Variants in DEPTOR observed in about 807,000 individuals in gnomAD.
DEPTOR encodes the protein DEP domain-containing mTOR-interacting protein.
In DEPTOR, 41 loss-of-function variants were observed where a neutral mutation model predicts 41.6. The ratio of observed to expected loss-of-function variants is 0.98; its 90% CI spans 0.77 to 1.28. The LOEUF is 1.28. Among genes scored for constraint, DEPTOR ranks in the 50% most tolerant of loss-of-function variants. The pLI is 0.00. For missense variants in DEPTOR, 514 were observed against 527.9 expected (o/e 0.97, Z 0.26); for synonymous variants, 195 against 192.3 (o/e 1.01, Z -0.12).
At chr8:119,878,478 C>G (rs947775752) in intron 1 of DEPTOR, among the ~76,000 whole-genome samples, 1 of 151,828 alleles carries the variant, frequency 6.6e-6, no homozygotes, top group Non-Finnish European at 1.5e-5. Flanking sequence ...TGCCACCACA[C>G]CCAGTTAATT....
chr8:119,967,094 T>G (rs924377749), intron 4 of DEPTOR, among the ~76,000 whole-genome samples: 6 of 151,874 alleles, frequency 4.0e-5, no homozygotes, highest in African/African-American at 7.3e-5. Flanking sequence ...GTTTTGTTTT[T>G]TTGAGATTGA....
At chr8:119,933,428 G>A (rs1828070616) in intron 3 of DEPTOR, among the ~76,000 whole-genome samples, 1 of 145,102 alleles carries the variant, frequency 6.9e-6, no homozygotes, top group African/African-American at 2.6e-5. Context: ...GGAAGTTCAA[G>A]CCCCCTTTCT....
At chr8:120,040,630 G>A (rs1179676941) in intron 8 of DEPTOR, among the ~76,000 whole-genome samples, 8 of 150,072 alleles carry the variant, frequency 5.3e-5, no homozygotes, top group Non-Finnish European at 1.2e-4. Flanking sequence ...TTTCACTTGA[G>A]CAATTGCGCA....
intron 1 of DEPTOR, among the ~76,000 whole-genome samples, chr8:119,880,141 C>CAAAAT (rs534342442): frequency 0.15 from 21,451 of 139,016 alleles, 2,001 homozygotes; most frequent in African/African-American, 0.21. Flanking sequence ...GACTCCGTCT[C>CAAAAT]AAAATAAAAT....
intron 3 of DEPTOR, among the ~76,000 whole-genome samples, chr8:119,960,998 GAAAGA>G (rs1425934698): frequency 3.3e-5 from 5 of 151,762 alleles, no homozygotes; most frequent in Non-Finnish European, 7.4e-5. Context: ...AAGAAAGAAA[GAAAGA>G]AAAGTGGCTT....
At chr8:119,950,091 T>C (rs1281675344) in intron 3 of DEPTOR, among the ~76,000 whole-genome samples, 1 of 152,234 alleles carries the variant, frequency 6.6e-6, no homozygotes, top group Non-Finnish European at 1.5e-5. Flanking sequence ...GTATTTTGCA[T>C]GTGACTATCT....
At chr8:119,972,068 GGCT>G (rs1349040337) in intron 4 of DEPTOR, among the ~76,000 whole-genome samples, 2 of 152,160 alleles carry the variant, frequency 1.3e-5, no homozygotes, top group Non-Finnish European at 2.9e-5. Flanking sequence ...TCCGTATTGG[GGCT>G]GCTATGGTAA....
intron 3 of DEPTOR, among the ~76,000 whole-genome samples, chr8:119,962,213 C>T (rs533678541): frequency 6.6e-6 from 1 of 151,836 alleles, no homozygotes; most frequent in Non-Finnish European, 1.5e-5. Context: ...GCTGAGATTG[C>T]ACCACTGCAC....
At chr8:119,917,403 G>A (rs1487296440) in intron 1 of DEPTOR, among the ~76,000 whole-genome samples, 1 of 152,176 alleles carries the variant, frequency 6.6e-6, no homozygotes, top group African/African-American at 2.4e-5. Flanking sequence ...ACTCCATTTT[G>A]TTCTGTAATC....
intron 3 of DEPTOR, among the ~76,000 whole-genome samples, chr8:119,960,965 G>A (rs1185364444): frequency 6.6e-6 from 1 of 151,860 alleles, no homozygotes; most frequent in Non-Finnish European, 1.5e-5. Flanking sequence ...GGTGACAAGA[G>A]TGAAACTCCA....
chr8:120,002,434 G>A (rs1421726767), intron 5 of DEPTOR, among the ~76,000 whole-genome samples: 5 of 151,974 alleles, frequency 3.3e-5, no homozygotes, highest in Admixed American at 2.6e-4. Context: ...CACTGCGCCC[G>A]GCCTTACAAG....
At chr8:119,978,270 G>A (rs536904121) in intron 4 of DEPTOR, among the ~76,000 whole-genome samples, 1 of 152,238 alleles carries the variant, frequency 6.6e-6, no homozygotes, top group African/African-American at 2.4e-5. Context: ...TGCTCAGCTT[G>A]GCCTTATCTG....
At chr8:119,892,275 AGGCATGAGCTACTATACCT>A (rs1486650890) in intron 1 of DEPTOR, among the ~76,000 whole-genome samples, 1 of 152,210 alleles carries the variant, frequency 6.6e-6, no homozygotes, top group Admixed American at 6.5e-5. Context: ...CTGGGATTAC[AGGCATGAGCTACTATACCT>A]GGCCTGGAGC....
chr8:120,034,443 CTTTTTTTTTTTTT>C (rs148465030), intron 8 of DEPTOR, among the ~76,000 whole-genome samples: 2 of 91,564 alleles, frequency 2.2e-5, no homozygotes, highest in Admixed American at 1.6e-4. Context: ...TTTCCTTTTT[CTTTTTTTTTTTTT>C]TTTTTTTTTG....
intron 1 of DEPTOR, among the ~76,000 whole-genome samples, chr8:119,889,632 AAGGGG>A (rs1481904872): frequency 2.7e-5 from 1 of 36,622 alleles, no homozygotes; most frequent in Non-Finnish European, 5.2e-5. Context: ...GAGGGAAGGG[AAGGGG>A]AGGGGAGGGG....
chr8:119,885,692 CCT>C (rs1157770230), intron 1 of DEPTOR, among the ~76,000 whole-genome samples: 2 of 152,244 alleles, frequency 1.3e-5, no homozygotes, highest in African/African-American at 4.8e-5. Flanking sequence ...AGAGCTTTTT[CCT>C]CTAACATTGT....
chr8:119,883,865 C>G (rs1827330651), intron 1 of DEPTOR, among the ~76,000 whole-genome samples: 1 of 152,118 alleles, frequency 6.6e-6, no homozygotes, highest in Non-Finnish European at 1.5e-5. Flanking sequence ...ATGAGGCACT[C>G]CTTTGAGTGA....
chr8:120,027,939 TCAG>T (rs1056097317), intron 8 of DEPTOR, among the ~76,000 whole-genome samples: 7 of 152,120 alleles, frequency 4.6e-5, no homozygotes, highest in African/African-American at 1.4e-4. Flanking sequence ...GGCTCAGACA[TCAG>T]CACGGTTTGG....
rs886573598 is a variant in DEPTOR at position 120,049,966 on chromosome 8, G to A, written c.*262G>A. On this transcript the variant is annotated 3_prime_UTR_variant, in exon 9 of 9. Coordinates refer to ENST00000286234, the MANE Select transcript of DEPTOR (RefSeq NM_022783.4). ...GAACTGCCTTACTAGATTTCTATTT[G>A]TAGCTCTCATTCATTGTTTTTTATC... is the stretch of plus-strand genomic sequence containing the variant. 3.6e-6 allele frequency: 1 copy of A among 280,086 alleles called. No individual in the cohort carries two copies. The highest frequency in any genetic ancestry group is 6.6e-6 in the Non-Finnish European group (1 of 150,976). 17.4% of individuals were successfully genotyped at this position (280,086 alleles called of 1,614,324 possible).
Sources: gnomAD v4.1 joint callset for allele counts (sites outside exome capture counted in the v4.1 genomes callset) on GRCh38, gnomAD v4.1.1 for gene constraint, MANE v1.5 for transcripts, NCBI Gene and HGNC (gene_info 2026-07-23, HGNC 2026-07-21) for gene names.